Variants in MX1 observed in about 807,000 individuals in gnomAD.
The protein encoded by MX1 is MX dynamin like GTPase 1.
MX1 carries 66 observed loss-of-function variants against 66.4 expected under a neutral mutation model. The ratio of observed to expected loss-of-function variants is 0.99; its 90% CI spans 0.82 to 1.22. The LOEUF (loss-of-function observed/expected upper bound fraction) is 1.22. MX1 is among the 50% of genes most tolerant of loss of function. The pLI is 0.00. For missense variants in MX1, 787 were observed against 834.3 expected (o/e 0.94, Z 0.70); for synonymous variants, 311 against 318.1 (o/e 0.98, Z 0.24).
At chr21:41,445,136 C>T (rs2090624186) in intron 11 of MX1, among the ~76,000 whole-genome samples, 1 of 152,142 alleles carries the variant, frequency 6.6e-6, no homozygotes. Flanking sequence ...AGAGAGTTTA[C>T]CTAATATGAC....
upstream of MX1, chr21:41,421,324 C>T (rs1375025671): frequency 1.3e-5 from 2 of 152,188 alleles, no homozygotes; most frequent in African/African-American, 4.8e-5. Flanking sequence ...ATTCCATTGC[C>T]CAGGGACGGG....
At chr21:41,426,468 C>G (rs957770885) in intron 1 of MX1, 2 of 152,154 alleles carry the variant, frequency 1.3e-5, no homozygotes, top group African/African-American at 4.8e-5. Flanking sequence ...ACGCCTGATT[C>G]TGGTTCCCAC....
chr21:41,434,760 T>G (rs932348548), intron 5 of MX1, among the ~76,000 whole-genome samples: 13 of 152,228 alleles, frequency 8.5e-5, no homozygotes, highest in Non-Finnish European at 2.9e-5. Context: ...ACATACATCA[T>G]AAACCCCACA....
At chr21:41,429,998 G>C (rs1478633232) in intron 3 of MX1, 1 of 152,134 alleles carries the variant, frequency 6.6e-6, no homozygotes, top group Non-Finnish European at 1.5e-5. Context: ...CCCGGGGAAG[G>C]GAGACAGAAA....
upstream of MX1, among the ~76,000 whole-genome samples, chr21:41,422,592 G>C (rs1376774323): frequency 6.6e-6 from 1 of 152,142 alleles, no homozygotes; most frequent in African/African-American, 2.4e-5. Context: ...ATCAGAAGTT[G>C]CCTGGAAGAA....
intron 16 of MX1, among the ~76,000 whole-genome samples, chr21:41,457,015 C>T (rs2068557442): frequency 1.3e-5 from 2 of 152,250 alleles, no homozygotes; most frequent in South Asian, 2.1e-4. Flanking sequence ...CCGCCTCAGT[C>T]TACCAAAGTG....
chr21:41,453,679 G>C (rs1174299478), intron 16 of MX1, among the ~76,000 whole-genome samples: 2 of 152,228 alleles, frequency 1.3e-5, no homozygotes, highest in Non-Finnish European at 2.9e-5. Context: ...GCCTGAGGCT[G>C]TCAGGATGCA....
At chr21:41,453,893 G>A (rs1017999144) in intron 16 of MX1, among the ~76,000 whole-genome samples, 2 of 31,356 alleles carry the variant, frequency 6.4e-5, no homozygotes, top group East Asian at 1.8e-3. Context: ...TCAATAGAAA[G>A]AAATGCCTGA....
intron 7 of MX1, among the ~76,000 whole-genome samples, chr21:41,438,518 G>A (rs925331243): frequency 1.3e-5 from 2 of 152,168 alleles, no homozygotes; most frequent in African/African-American, 4.8e-5. Flanking sequence ...GTGGGTGGAG[G>A]GGTTCCCAGC....
At position 41,443,861 on chromosome 21, in the gene MX1, A is replaced by G. The variant is rs1372404972; in HGVS notation, c.1003A>G (p.Ile335Val). The G allele has an allele frequency of 2.5e-6, 4 of 1,614,070 alleles. No individual in the cohort carries two copies. The Admixed American group carries it at 5.0e-5, about 20-fold the overall frequency. Residue 335 changes from isoleucine to valine, a missense_variant, in exon 11 of 17, where the codon ATC becomes GTC. By Grantham distance (29) the Ile-to-Val change is conservative. Transcript: ENST00000398598. Reference protein sequence around the residue: ...EKLTSELITHICKSLPLLENQ... With the variant: ...EKLTSELITHVCKSLPLLENQ... ...ACTTACCAGCGAGCTCATCACACAT[A>G]TCTGTGTAAGCACGGGCAGAGCTGT... is the stretch of plus-strand genomic sequence containing the variant.
Position 41,449,137 on chromosome 21 carries a change from G to T in MX1, c.1274G>T (p.Gly425Val). Reference protein sequence around the residue: ...STIIENNFQEGHKILSRKIQK... With the variant: ...STIIENNFQEVHKILSRKIQK... Reference sequence around the variant, plus strand: ...TAGAGGGTTTTTTTTCCTGCTATAGGCCATAAAATTTTGAGTAGAAAAATC... The same window carrying T: ...TAGAGGGTTTTTTTTCCTGCTATAGTCCATAAAATTTTGAGTAGAAAAATC... The change falls in exon 14 of 17, where the codon GGC becomes GTC. Residue 425 changes from glycine to valine, a missense_variant and splice_region_variant. Transcript: ENST00000398598. The T allele has an allele frequency of 6.2e-7, 1 of 1,607,728 alleles. No individual in the cohort carries two copies. Among genetic ancestry groups the T allele is most frequent in the South Asian group, 1.1e-5 (1 of 89,770 alleles).
At chr21:41,449,531 C>A (rs1246642876) in intron 14 of MX1, 4 of 397,628 alleles carry the variant, frequency 1.0e-5, no homozygotes, top group Non-Finnish European at 1.8e-5. Context: ...ACACTGGCCC[C>A]AACTACAAAT....
At chr21:41,457,050 A>G (rs2090977450) in intron 16 of MX1, among the ~76,000 whole-genome samples, 1 of 152,158 alleles carries the variant, frequency 6.6e-6, no homozygotes, top group Admixed American at 6.5e-5. Context: ...GTGAGCCACC[A>G]CGCCCGGCCT....
At chr21:41,423,393 G>T (rs1427867243), upstream of MX1, 1 of 152,280 alleles carries the variant, frequency 6.6e-6, no homozygotes, top group African/African-American at 2.4e-5. Context: ...GAACCCAAAG[G>T]GGGTTGCCAT....
Position 41,441,689 on chromosome 21 carries a change from C to G in MX1, c.731-27C>G, listed in dbSNP as rs377392601. On this transcript the variant is annotated intron_variant, in intron 9 of 16. Coordinates refer to ENST00000398598, the MANE Select transcript of MX1 (RefSeq NM_002462.5). This position sits in a 1 kb window ranked among gnomAD's most constrained non-coding sequence, Gnocchi z 4.0. ...CCTCTGCCTCGTGACTGAGCACGTT[C>G]TCTCCCCAAATACATCTGGCTCGCA... The G allele has an allele frequency of 1.2e-6, 2 of 1,612,926 alleles. No homozygotes were observed. Among genetic ancestry groups the G allele is most frequent in the African/African-American group, 2.7e-5 (2 of 74,920 alleles).
intron 15 of MX1, 136 bp from the exon 16 acceptor site, chr21:41,452,485 C>T: frequency 1.0e-6 from 1 of 989,944 alleles, no homozygotes; most frequent in Non-Finnish European, 1.5e-6. Flanking sequence ...AGGGCGCGGC[C>T]CAGAGGGCTG....
At chr21:41,421,075 G>A (rs1025675290) in intron 1 of MX1, among the ~76,000 whole-genome samples, 2 of 152,246 alleles carry the variant, frequency 1.3e-5, no homozygotes, top group African/African-American at 2.4e-5. Flanking sequence ...CCGAGAGGGG[G>A]ATGTGTCAGG....
chr21:41,424,803 G>A (rs145044194), upstream of MX1, among the ~76,000 whole-genome samples: 7 of 152,374 alleles, frequency 4.6e-5, no homozygotes, highest in East Asian at 1.3e-3. Context: ...CGGGCCAACA[G>A]CAGGCTCATG....
In MX1 at chr21:41,441,035, G is replaced by A; in HGVS notation, c.730+10G>A. On this transcript the variant is annotated intron_variant, in intron 9 of 16. Transcript: ENST00000398598. This position sits in a 1 kb window ranked among gnomAD's most constrained non-coding sequence, Gnocchi z 4.0. ...GGAGACAGGACCATCGGTGAGAGTG[G>A]GGGAGCCCCACTGTGCTCAGTGAGA... 6.2e-7 allele frequency: 1 copy of A among 1,612,424 alleles called. No individual in the cohort carries two copies. The highest frequency in any genetic ancestry group is 8.5e-7 in the Non-Finnish European group (1 of 1,179,516).
Sources: gnomAD v4.1 joint callset for allele counts (sites outside exome capture counted in the v4.1 genomes callset) on GRCh38, gnomAD v4.1.1 for gene constraint, Gnocchi (gnomAD v3.1) non-coding constraint, MANE v1.5 for transcripts, NCBI Gene and HGNC (gene_info 2026-07-23, HGNC 2026-07-21) for gene names.